BPTF: variants seen among roughly 807,000 people sequenced by gnomAD.
The protein encoded by BPTF is bromodomain PHD finger transcription factor.
In BPTF, 18 loss-of-function variants were observed where a neutral mutation model predicts 292.5. The ratio of observed to expected loss-of-function variants is 0.06; its 90% confidence interval spans 0.04 to 0.09. The LOEUF (loss-of-function observed/expected upper bound fraction) is 0.09, where lower values mean the gene tolerates loss of function less well. BPTF is among the 10% of genes least tolerant of loss of function. The probability of loss-of-function intolerance (pLI) is 1.00; values close to 1 mark genes in which losing one functional copy is unlikely to be tolerated. For synonymous variants in BPTF, 1,225 were observed against 1,251.9 expected (o/e 0.98, Z 0.45); for missense variants, 2,726 against 3,498.7 (o/e 0.78, Z 5.57).
At chr17:67,840,957 G>A (rs1403485654) in intron 1 of BPTF, among the ~76,000 whole-genome samples, 1 of 152,178 alleles carries the variant, frequency 6.6e-6, no homozygotes, top group Non-Finnish European at 1.5e-5. Flanking sequence ...CTCCCTGTCA[G>A]TGCCTTGCGT....
At chr17:67,886,040 A>G (rs536375594) in intron 4 of BPTF, 2 of 1,025,724 alleles carry the variant, frequency 1.9e-6, no homozygotes, top group South Asian at 3.7e-5. Context: ...CAGCTTCTTA[A>G]TGAAATCCTA....
At chr17:67,899,977 GA>G (rs2061713718) in intron 7 of BPTF, among the ~76,000 whole-genome samples, 1 of 152,186 alleles carries the variant, frequency 6.6e-6, no homozygotes, top group Non-Finnish European at 1.5e-5. Flanking sequence ...ATTGGTTGTA[GA>G]TAAAGTTCTG....
At chr17:67,871,436 G>A (rs998202262) in intron 3 of BPTF, among the ~76,000 whole-genome samples, 9 of 97,178 alleles carry the variant, frequency 9.3e-5, no homozygotes, top group Non-Finnish European at 1.6e-4. Context: ...GTGAGACTTT[G>A]TCTCCAAAAA....
chr17:67,919,676 T>C (rs2063306982), intron 12 of BPTF, among the ~76,000 whole-genome samples: 1 of 152,194 alleles, frequency 6.6e-6, no homozygotes, highest in Non-Finnish European at 1.5e-5. Context: ...TTAAAAGATA[T>C]TTATGATTGT....
At chr17:67,904,103 A>G (rs1344375346) in intron 8 of BPTF, among the ~76,000 whole-genome samples, 185 bp downstream of exon 8, 1 of 152,204 alleles carries the variant, frequency 6.6e-6, no homozygotes, top group Admixed American at 6.5e-5. Flanking sequence ...ATCTTGGCTC[A>G]CTACAGCCTC....
At chr17:67,937,580 G>A (rs1459895064) in intron 18 of BPTF, among the ~76,000 whole-genome samples, 1 of 152,158 alleles carries the variant, frequency 6.6e-6, no homozygotes, top group Non-Finnish European at 1.5e-5. Context: ...GATATCTGAG[G>A]AAAGAGTCTT....
At chr17:67,840,187 C>T (rs1037203942) in intron 1 of BPTF, among the ~76,000 whole-genome samples, 3 of 151,442 alleles carry the variant, frequency 2.0e-5, no homozygotes, top group African/African-American at 7.3e-5. Flanking sequence ...ACTGCAGCTT[C>T]CACTTCCTAG....
At chr17:67,952,967 AC>A (rs1359924107) in intron 23 of BPTF, among the ~76,000 whole-genome samples, 31 of 151,872 alleles carry the variant, frequency 2.0e-4, no homozygotes, top group African/African-American at 7.5e-4. Context: ...ATTGTTCTTT[AC>A]TTTTTTTTTC....
intron 19 of BPTF, among the ~76,000 whole-genome samples, chr17:67,941,189 G>C (rs192966378): frequency 6.6e-6 from 1 of 152,224 alleles, no homozygotes. Context: ...GGTGGCTTGC[G>C]CCTGTAATCC....
At chr17:67,852,896 C>G (rs966572259) in intron 1 of BPTF, among the ~76,000 whole-genome samples, 5 of 152,154 alleles carry the variant, frequency 3.3e-5, no homozygotes, top group Admixed American at 6.5e-5. Flanking sequence ...GGCACTTTGG[C>G]AGGCCGAGGT....
rs557321929 is a variant in BPTF at position 67,911,396 on chromosome 17, C to T, written c.3512C>T (p.Ser1171Phe). ...AAAGATCGAGTGTTAGATGATGTCT[C>T]CATTCGGAGCCCAGAAACAAAATGT... ...YPKDRVLDDV[S>F]IRSPETKCPK... Residue 1171 changes from serine to phenylalanine, a missense_variant, in exon 11 of 28, where the codon TCC becomes TTC. Physicochemically the swap from Ser to Phe is radical, Grantham distance 155. Around this residue, in one of 22 missense-constraint regions of BPTF, gnomAD observed 713 missense variants for 714.9 expected, o/e 1.00. Transcript: ENST00000306378. 1.2e-6 allele frequency: 2 copies of T among 1,614,102 alleles called. No homozygotes were observed. The highest frequency in any genetic ancestry group is 1.1e-5 in the South Asian group (1 of 91,062).
chr17:67,893,346 C>T (rs1432360076), intron 5 of BPTF, 24 bp from the exon 6 acceptor site: 4 of 1,343,984 alleles, frequency 3.0e-6, no homozygotes, highest in Non-Finnish European at 4.3e-6. Flanking sequence ...ATAAATAATG[C>T]AGTCTTTTTA....
chr17:67,840,458 CTTG>C (rs141331058), intron 1 of BPTF, among the ~76,000 whole-genome samples: 44,324 of 149,236 alleles, frequency 0.3, 7,851 homozygotes, highest in East Asian at 0.66. Flanking sequence ...TGCTGCTCCT[CTTG>C]TTGTTGTTGT....
At chr17:67,945,311 C>T (rs2065723369) in intron 20 of BPTF, 98 bp from the exon 21 acceptor site, 2 of 1,523,030 alleles carry the variant, frequency 1.3e-6, no homozygotes, top group Non-Finnish European at 8.8e-7. Flanking sequence ...CCACGCCTGG[C>T]CAGAATTCTC....
rs776133417 is a variant in BPTF at position 67,911,941 on chromosome 17, G to T, written c.4057G>T (p.Gly1353Trp). The change falls in exon 11 of 28, where the codon GGG (glycine) becomes TGG (tryptophan). Residue 1353 changes from glycine to tryptophan, a missense_variant. Physicochemically the swap from Gly to Trp is radical, Grantham distance 184. Coordinates refer to ENST00000306378, the MANE Select transcript of BPTF (RefSeq NM_182641.4). ...CTGTGAGGACAGGCTGCCGGTCAAG[G>T]GGACTGAAGCAAATGGTAAAAAACC... ...GNCEDRLPVK[G>W]TEANGKKPSQ... 1.2e-6 allele frequency: 2 copies of T among 1,613,998 alleles called. No homozygotes were observed. The highest frequency in any genetic ancestry group is 1.7e-6 in the Non-Finnish European group (2 of 1,180,028).
chr17:67,872,678 C>G (rs1393614736), intron 3 of BPTF, among the ~76,000 whole-genome samples: 1 of 151,810 alleles, frequency 6.6e-6, no homozygotes, highest in Non-Finnish European at 1.5e-5. Context: ...TGCACTCCAG[C>G]CTGGGCAACA....
At chr17:67,889,969 CA>C (rs1035166820) in intron 4 of BPTF, among the ~76,000 whole-genome samples, 8 of 152,078 alleles carry the variant, frequency 5.3e-5, no homozygotes, top group Non-Finnish European at 1.0e-4. Flanking sequence ...TTAAGGAGGG[CA>C]AAGAGGTGTG....
chr17:67,912,726 T>A lies in BPTF; in HGVS notation c.4842T>A (p.Val1614=), dbSNP rs2062734584. 1 of 1,613,950 alleles carries A rather than the reference T, an allele frequency of 6.2e-7. No homozygotes were observed. Among genetic ancestry groups the A allele is most frequent in the Non-Finnish European group, 8.5e-7 (1 of 1,180,048 alleles). Residue 1614 remains valine (V), a synonymous_variant, in exon 11 of 28, where the codon GTT becomes GTA. Coordinates refer to ENST00000306378, the MANE Select transcript of BPTF (RefSeq NM_182641.4). ...AAAAAGGCGATAAGCAAACTGTGGT[T>A]TCTTCCACAGAAAATTGTGCAAAAT... ...KVEKGDKQTV[V]SSTENCAKST...
At chr17:67,876,645 A>C (rs1271101875) in intron 4 of BPTF, among the ~76,000 whole-genome samples, 1 of 152,100 alleles carries the variant, frequency 6.6e-6, no homozygotes, top group Non-Finnish European at 1.5e-5. Context: ...GTGTCTACTG[A>C]AAATGCAAAA....
Sources: gnomAD v4.1 joint callset for allele counts (sites outside exome capture counted in the v4.1 genomes callset) on GRCh38, gnomAD v4.1.1 for gene constraint, gnomAD v4.1.1 regional missense constraint, MANE v1.5 for transcripts, NCBI Gene and HGNC (gene_info 2026-07-23, HGNC 2026-07-21) for gene names.